Variants in GRID2 observed in about 807,000 individuals in gnomAD.
GRID2 encodes the protein glutamate receptor ionotropic, delta-2.
GRID2 carries 33 observed loss-of-function variants against 114.8 expected under a neutral mutation model. The observed-to-expected ratio is 0.29, with a 90% CI of 0.22 to 0.38. GRID2 has a LOEUF of 0.38. GRID2 is among the 10% of genes least tolerant of loss of function. GRID2 has a pLI of 1.00. For missense variants in GRID2, 1,184 were observed against 1,257.7 expected (o/e 0.94, Z 0.89); for synonymous variants, 505 against 449.9 (o/e 1.12, Z -1.55).
intron 1 of GRID2, among the ~76,000 whole-genome samples, chr4:93,795,465 G>A (rs1734778401): frequency 1.3e-5 from 2 of 151,930 alleles, no homozygotes; most frequent in Middle Eastern, 3.2e-3. Flanking sequence ...AAACAGAAAG[G>A]CAGTAGTGTA....
intron 2 of GRID2, among the ~76,000 whole-genome samples, chr4:92,941,247 C>T (rs1056091735): frequency 6.6e-6 from 1 of 152,148 alleles, no homozygotes; most frequent in East Asian, 1.9e-4. Context: ...AATTTCAGAT[C>T]CTGTAACTGG....
At chr4:93,164,371 A>G (rs1738053522) in intron 4 of GRID2, among the ~76,000 whole-genome samples, 1 of 152,110 alleles carries the variant, frequency 6.6e-6, no homozygotes, top group African/African-American at 2.4e-5. Context: ...GAGTAGTGGC[A>G]TCAGAAAAGC....
At chr4:93,353,244 C>G (rs544230554) in intron 8 of GRID2, among the ~76,000 whole-genome samples, 1 of 152,042 alleles carries the variant, frequency 6.6e-6, no homozygotes, top group South Asian at 2.1e-4. Flanking sequence ...AATAGGAGAG[C>G]TGTCACCAGA....
At chr4:93,714,167 C>T (rs1482036466) in intron 14 of GRID2, among the ~76,000 whole-genome samples, 1 of 152,050 alleles carries the variant, frequency 6.6e-6, no homozygotes. Flanking sequence ...TCGGTTCCCA[C>T]ATGTAAGTGA....
chr4:93,164,711 A>AT (rs1738079906), intron 4 of GRID2: 4 of 437,894 alleles, frequency 9.1e-6, no homozygotes, highest in Admixed American at 2.4e-5. Context: ...AATATGCTTA[A>AT]TTTTTTTCCT....
chr4:92,465,806 C>T (rs924049811), intron 1 of GRID2, among the ~76,000 whole-genome samples: 1 of 151,774 alleles, frequency 6.6e-6, no homozygotes, highest in Non-Finnish European at 1.5e-5. Flanking sequence ...TACCCATTTC[C>T]ACCAATGTGA....
At chr4:92,707,064 T>C (rs1734990679) in intron 2 of GRID2, among the ~76,000 whole-genome samples, 1 of 152,158 alleles carries the variant, frequency 6.6e-6, no homozygotes, top group Non-Finnish European at 1.5e-5. Flanking sequence ...TACTTTCCTC[T>C]TAATTCTTCT....
chr4:93,001,094 A>G (rs1211251619), intron 2 of GRID2, among the ~76,000 whole-genome samples: 1 of 151,680 alleles, frequency 6.6e-6, no homozygotes, highest in African/African-American at 2.4e-5. Flanking sequence ...AAACATATTT[A>G]TTTGGCTTAA....
chr4:93,534,595 A>G (rs1731838373), intron 13 of GRID2, among the ~76,000 whole-genome samples: 1 of 152,164 alleles, frequency 6.6e-6, no homozygotes, highest in Non-Finnish European at 1.5e-5. Context: ...AAGATTCTCA[A>G]TAACTAATTG....
chr4:93,749,923 C>T (rs1051084221), intron 14 of GRID2, among the ~76,000 whole-genome samples: 4 of 152,148 alleles, frequency 2.6e-5, no homozygotes, highest in Admixed American at 6.5e-5. Flanking sequence ...AGGGTGATTT[C>T]GAGAATTATA....
At chr4:93,683,058 A>G (rs985342958) in intron 14 of GRID2, among the ~76,000 whole-genome samples, 1 of 152,056 alleles carries the variant, frequency 6.6e-6, no homozygotes, top group South Asian at 2.1e-4. Flanking sequence ...GAAAATTTAA[A>G]TTGCTAACAT....
At chr4:93,384,221 C>T (rs1051276461) in intron 8 of GRID2, among the ~76,000 whole-genome samples, 9 of 152,092 alleles carry the variant, frequency 5.9e-5, no homozygotes, top group African/African-American at 2.2e-4. Context: ...AATTAATCAC[C>T]TTCTTAAATC....
At chr4:93,359,335 T>A (rs1365049770) in intron 8 of GRID2, among the ~76,000 whole-genome samples, 1 of 151,962 alleles carries the variant, frequency 6.6e-6, no homozygotes, top group African/African-American at 2.4e-5. Context: ...ATGGGGTACA[T>A]GAGATGTTTT....
intron 8 of GRID2, among the ~76,000 whole-genome samples, chr4:93,254,328 C>G (rs1207714560): frequency 1.3e-5 from 2 of 151,942 alleles, no homozygotes; most frequent in Non-Finnish European, 2.9e-5. Flanking sequence ...CCACAAACAG[C>G]TTGGATTAAT....
intron 2 of GRID2, among the ~76,000 whole-genome samples, chr4:93,022,177 A>G (rs978078809): frequency 6.6e-6 from 1 of 151,702 alleles, no homozygotes; most frequent in African/African-American, 2.4e-5. Context: ...TCTATCTTTG[A>G]TTATGTCCTT....
chr4:93,369,151 G>A (rs1762630270), intron 8 of GRID2, among the ~76,000 whole-genome samples: 2 of 152,066 alleles, frequency 1.3e-5, no homozygotes, highest in South Asian at 4.1e-4. Flanking sequence ...TAAAGGCTTT[G>A]GGGGAGAATG....
chr4:92,501,616 G>A (rs1039146972), intron 1 of GRID2, among the ~76,000 whole-genome samples: 1 of 152,084 alleles, frequency 6.6e-6, no homozygotes, highest in Non-Finnish European at 1.5e-5. Context: ...CCTCTCTGAT[G>A]CAGGTATCAC....
At chr4:93,593,549 C>T (rs1221408145) in intron 13 of GRID2, among the ~76,000 whole-genome samples, 8 of 144,382 alleles carry the variant, frequency 5.5e-5, no homozygotes, top group South Asian at 4.8e-4. Context: ...TTGCTCTTCT[C>T]GAGGAGTATC....
intron 13 of GRID2, among the ~76,000 whole-genome samples, chr4:93,589,314 G>C (rs1737898772): frequency 6.7e-6 from 1 of 149,402 alleles, no homozygotes; most frequent in Non-Finnish European, 1.5e-5. Flanking sequence ...TGGTTTTTTT[G>C]TTCTTGCGAT....
Sources: allele counts gnomAD v4.1 joint callset (sites outside exome capture counted in the v4.1 genomes callset), GRCh38; gene constraint gnomAD v4.1.1; transcripts MANE v1.5; gene names NCBI Gene and HGNC (gene_info 2026-07-23, HGNC 2026-07-21).